The following QTMAN variants were observed in gnomAD, a reference collection of about 807,000 sequenced individuals.
The protein encoded by QTMAN is queuosine-tRNA mannosyltransferase.
At chr2:143,950,302 C>T in the QTMAN span, among the ~76,000 whole-genome samples, 1 of 151,634 alleles carries the variant, frequency 6.6e-6, no homozygotes, top group Non-Finnish European at 1.5e-5. Flanking sequence ...TAACAACATA[C>T]CACTAAGCTG....
At chr2:144,181,397 A>T in the QTMAN span, among the ~76,000 whole-genome samples, 1 of 152,234 alleles carries the variant, frequency 6.6e-6, no homozygotes, top group Admixed American at 6.5e-5. Flanking sequence ...TAAGTAACCA[A>T]GAAAAATGTT....
chr2:144,023,646 T>C, the QTMAN span, among the ~76,000 whole-genome samples: 3 of 152,214 alleles, frequency 2.0e-5, no homozygotes, highest in East Asian at 3.8e-4. Flanking sequence ...AGTAAGTTCA[T>C]GAAAATGGGC....
the QTMAN span, among the ~76,000 whole-genome samples, chr2:144,011,329 C>A: frequency 6.6e-6 from 1 of 151,984 alleles, no homozygotes; most frequent in Non-Finnish European, 1.5e-5. Context: ...CAAAACAAAA[C>A]CAACCACATC....
chr2:144,083,876 A>T, the QTMAN span, among the ~76,000 whole-genome samples: 572 of 152,300 alleles, frequency 3.8e-3, 2 homozygotes, highest in African/African-American at 0.012. Context: ...GTGGTATTTC[A>T]AACAATTTTA....
chr2:144,160,238 G>T, the QTMAN span, among the ~76,000 whole-genome samples: 26 of 152,184 alleles, frequency 1.7e-4, no homozygotes, highest in African/African-American at 6.3e-4. Flanking sequence ...AAGAGTGACT[G>T]AACACTATTT....
the QTMAN span, among the ~76,000 whole-genome samples, chr2:144,002,803 G>A: frequency 6.6e-6 from 1 of 151,784 alleles, no homozygotes; most frequent in African/African-American, 2.4e-5. Flanking sequence ...TCAAGTTTTG[G>A]TATAGTATCA....
At chr2:144,074,063 C>CTATTTGGT in the QTMAN span, among the ~76,000 whole-genome samples, 2 of 152,274 alleles carry the variant, frequency 1.3e-5, no homozygotes, top group South Asian at 4.2e-4. Flanking sequence ...ATAAAGAGAA[C>CTATTTGGT]ATGCTCCTAT....
the QTMAN span, among the ~76,000 whole-genome samples, chr2:144,316,598 G>A: frequency 3.3e-5 from 5 of 152,116 alleles, no homozygotes; most frequent in African/African-American, 1.2e-4. Flanking sequence ...ACACCTGAAA[G>A]TGCAGCTATA....
chr2:144,088,809 C>A, the QTMAN span, among the ~76,000 whole-genome samples: 1 of 151,898 alleles, frequency 6.6e-6, no homozygotes, highest in African/African-American at 2.4e-5. Flanking sequence ...TCAACATACA[C>A]AAAAATCAAG....
the QTMAN span, among the ~76,000 whole-genome samples, chr2:144,275,744 A>G: frequency 2.0e-5 from 3 of 151,566 alleles, no homozygotes; most frequent in African/African-American, 7.3e-5. Context: ...CCAACAACCT[A>G]TTCCAATTCA....
the QTMAN span, among the ~76,000 whole-genome samples, chr2:144,237,656 CAAAG>C: frequency 1.3e-5 from 2 of 152,042 alleles, no homozygotes; most frequent in Admixed American, 6.6e-5. Context: ...CTTGTGCTGT[CAAAG>C]AAAGGGGAGA....
chr2:144,217,132 C>A, the QTMAN span, among the ~76,000 whole-genome samples: 1 of 152,094 alleles, frequency 6.6e-6, no homozygotes, highest in Admixed American at 6.6e-5. Flanking sequence ...GGCTCCCTGA[C>A]CCATTCGGAT....
At chr2:144,210,448 C>T in the QTMAN span, among the ~76,000 whole-genome samples, 1 of 152,130 alleles carries the variant, frequency 6.6e-6, no homozygotes, top group African/African-American at 2.4e-5. Context: ...CAATCATGAT[C>T]CCCTACCCAC....
the QTMAN span, chr2:144,317,472 C>T: frequency 1.3e-5 from 2 of 151,502 alleles, no homozygotes; most frequent in Non-Finnish European, 2.9e-5. Flanking sequence ...ACCTACTACA[C>T]CCTTACCTTA....
the QTMAN span, among the ~76,000 whole-genome samples, chr2:144,019,448 G>A: frequency 2.6e-4 from 35 of 135,714 alleles, no homozygotes; most frequent in East Asian, 7.0e-3. Context: ...GTGTGTGTGT[G>A]TGTGTGTGTG....
At chr2:144,262,307 AC>A in the QTMAN span, among the ~76,000 whole-genome samples, 7 of 152,120 alleles carry the variant, frequency 4.6e-5, no homozygotes, top group Non-Finnish European at 7.4e-5. Context: ...TGCTGTTCTT[AC>A]CGGCTTTGGT....
At chr2:144,313,363 A>T in the QTMAN span, among the ~76,000 whole-genome samples, 1 of 152,200 alleles carries the variant, frequency 6.6e-6, no homozygotes, top group Non-Finnish European at 1.5e-5. Flanking sequence ...AAAAATACTG[A>T]AACAAACAAT....
At chr2:144,055,184 C>A in the QTMAN span, among the ~76,000 whole-genome samples, 72 of 152,198 alleles carry the variant, frequency 4.7e-4, 1 homozygote, top group Admixed American at 4.6e-3. Context: ...GAGACTCATG[C>A]ACTCCTAAAT....
At chr2:144,284,866 CTA>C in the QTMAN span, among the ~76,000 whole-genome samples, 1 of 150,218 alleles carries the variant, frequency 6.7e-6, no homozygotes, top group African/African-American at 2.4e-5. Context: ...GACCTCATCT[CTA>C]TAAAAAAATT....
Sources: allele counts gnomAD v4.1 joint callset (sites outside exome capture counted in the v4.1 genomes callset), GRCh38; gene constraint gnomAD v4.1.1; transcripts MANE v1.5; gene names NCBI Gene and HGNC (gene_info 2026-07-23, HGNC 2026-07-21).